Variants in ANXA7 observed in about 807,000 individuals in gnomAD.
ANXA7 encodes annexin A7.
Under a neutral mutation model 64.9 loss-of-function variants are expected in ANXA7, and 55 were observed. That is an observed-to-expected ratio of 0.85 (90% CI 0.68 to 1.06). The LOEUF (loss-of-function observed/expected upper bound fraction) is 1.06, where lower values mean the gene tolerates loss of function less well. ANXA7 is among the 50% of genes least tolerant of loss of function. The pLI, the probability that ANXA7 is intolerant of heterozygous loss-of-function variation, is 0.00. For synonymous variants in ANXA7, 200 were observed against 192.4 expected (o/e 1.04, Z -0.33); for missense variants, 548 against 582.1 (o/e 0.94, Z 0.60).
At chr10:73,390,472 T>C (rs2132669477) in intron 5 of ANXA7, among the ~76,000 whole-genome samples, 1 of 152,184 alleles carries the variant, frequency 6.6e-6, no homozygotes, top group African/African-American at 2.4e-5. Context: ...ATAGTGGTTT[T>C]AATAGAAAGC....
At chr10:73,387,551 C>T in intron 7 of ANXA7, 138 bp downstream of exon 7, 1 of 641,406 alleles carries the variant, frequency 1.6e-6, no homozygotes, top group Non-Finnish European at 2.7e-6. Flanking sequence ...ATAGGGAATA[C>T]AGTACCCTTG....
chr10:73,413,314 T>A (rs2055873271), intron 1 of ANXA7, among the ~76,000 whole-genome samples: 1 of 152,170 alleles, frequency 6.6e-6, no homozygotes, highest in Non-Finnish European at 1.5e-5. Context: ...TAGCTGGCCA[T>A]CAGCTGGCAA....
At chr10:73,392,312 T>C (rs1168267783) in intron 5 of ANXA7, among the ~76,000 whole-genome samples, 1 of 152,102 alleles carries the variant, frequency 6.6e-6, no homozygotes, top group Non-Finnish European at 1.5e-5. Flanking sequence ...ACTATTCCAA[T>C]CAATAGAAAG....
chr10:73,377,773 G>GTGTGT lies in ANXA7; in HGVS notation c.1278+1137_1278+1138insACACA, dbSNP rs2055200570. Among the ~76,000 whole-genome samples, 3 of 124,822 alleles carry GTGTGT rather than the reference G, an allele frequency of 2.4e-5. 1 individual carries two copies. Among genetic ancestry groups the GTGTGT allele is most frequent in the African/African-American group, 9.7e-5 (3 of 31,052 alleles). The allele number at this position is 124,822 out of a possible 152,430, so 81.9% of individuals were successfully genotyped here. A position where few individuals can be genotyped will look rare whatever the true frequency, so the allele number is the denominator to read the frequency against. On this transcript the variant is annotated intron_variant, in intron 12 of 12. Coordinates refer to ENST00000372921, the MANE Select transcript of ANXA7 (RefSeq NM_001156.5). The stretch of plus-strand genomic sequence containing the variant: ...ACTACCATGCCGGGGGGTGGGTGTG[G>GTGTGT]GTGTGTGTGTGTGTGTGTGTGTGTG...
chr10:73,397,059 A>G (rs1223592332), intron 4 of ANXA7, 105 bp downstream of exon 4: 1 of 485,786 alleles, frequency 2.1e-6, no homozygotes, highest in African/African-American at 2.0e-5. Flanking sequence ...TGGAAATATA[A>G]ACATTTATTG....
chr10:73,391,038 C>G (rs1055989631), intron 5 of ANXA7, among the ~76,000 whole-genome samples: 1 of 151,560 alleles, frequency 6.6e-6, no homozygotes, highest in Non-Finnish European at 1.5e-5. Context: ...CGTGGTGGTG[C>G]GCACCTGTAG....
rs755982913 is a variant in ANXA7, at chr10:73,388,383, G to A, written c.467C>T (p.Thr156Ile). The change falls in exon 6 of 13, where the codon ACT (threonine) becomes ATT (isoleucine). Residue 156 changes from threonine to isoleucine, a missense_variant. Thr to Ile is a moderately conservative substitution (Grantham distance 89, BLOSUM62 -1). Coordinates refer to ENST00000372921, the MANE Select transcript of ANXA7 (RefSeq NM_001156.5). ...ATCGAAGTTGGCAGCTGGTCGGATA[G>A]TTCCTTGAGTGACCTGAGTCACTGT... The part of the protein sequence containing the change: ...PATVTQVTQG[T>I]IRPAANFDAI... 2 of 1,613,938 alleles carry A rather than the reference G, an allele frequency of 1.2e-6. No homozygotes were observed. The highest frequency in any genetic ancestry group is 1.7e-6 in the Non-Finnish European group (2 of 1,179,864).
chr10:73,377,938 C>G (rs903604964), intron 12 of ANXA7, among the ~76,000 whole-genome samples: 1 of 145,390 alleles, frequency 6.9e-6, no homozygotes, highest in East Asian at 2.0e-4. Flanking sequence ...TGTGCGCGCG[C>G]GTGTGTTTTT....
intron 5 of ANXA7, among the ~76,000 whole-genome samples, chr10:73,392,242 C>T (rs550489007): frequency 3.3e-5 from 5 of 152,232 alleles, no homozygotes; most frequent in East Asian, 1.9e-4. Flanking sequence ...CAGGACCAGA[C>T]AGATTCACAG....
chr10:73,389,047 G>A (rs934442035), intron 5 of ANXA7, among the ~76,000 whole-genome samples: 6 of 152,162 alleles, frequency 3.9e-5, no homozygotes, highest in Non-Finnish European at 8.8e-5. Context: ...CATTATAGCA[G>A]AGAAACCTTG....
At chr10:73,403,146 TTTTTC>T (rs1171170997) in intron 1 of ANXA7, among the ~76,000 whole-genome samples, 1 of 152,166 alleles carries the variant, frequency 6.6e-6, no homozygotes, top group Non-Finnish European at 1.5e-5. Context: ...TTTACTGGCT[TTTTTC>T]TTTTATTATG....
At chr10:73,385,579 G>A (rs576074280) in intron 7 of ANXA7, among the ~76,000 whole-genome samples, 2 of 152,214 alleles carry the variant, frequency 1.3e-5, no homozygotes, top group African/African-American at 2.4e-5. Flanking sequence ...GAAAAACAGT[G>A]TTTTACTAAT....
chr10:73,405,960 CT>C (rs199538795), intron 1 of ANXA7, among the ~76,000 whole-genome samples: 10,538 of 144,160 alleles, frequency 0.073, 583 homozygotes, highest in East Asian at 0.3. Context: ...TTTTTCTCTT[CT>C]TTTTTTTTTT....
chr10:73,391,170 T>TAA (rs547724690), intron 5 of ANXA7, among the ~76,000 whole-genome samples: 12,451 of 132,724 alleles, frequency 0.094, 788 homozygotes, highest in East Asian at 0.28. Flanking sequence ...CTCTGTCTCT[T>TAA]AAAAAAAAAA....
chr10:73,402,884 G>A (rs988707427), intron 1 of ANXA7, among the ~76,000 whole-genome samples: 1 of 151,852 alleles, frequency 6.6e-6, no homozygotes, highest in African/African-American at 2.4e-5. Context: ...GAGTACAGTG[G>A]CATAATCTCA....
chr10:73,383,342 C>T lies in ANXA7; in HGVS notation c.751G>A (p.Ala251Thr). 6.2e-7 allele frequency: 1 copy of T among 1,609,080 alleles called. No individual in the cohort carries two copies. ...AWSLRKAMQG[A>T]GTQERVLIEI... ...ATCAATACACGTTCCTGAGTTCCTG[C>T]TCCCTACATGAAATGAAGGGAAGAT... The change falls in exon 9 of 13, where the codon GCA (alanine) becomes ACA (threonine). Residue 251 changes from alanine (A) to threonine (T), a missense_variant. Physicochemically the swap from Ala to Thr is moderately conservative, Grantham distance 58 (BLOSUM62 0). Transcript: ENST00000372921.
chr10:73,411,036 G>A (rs2055830750), intron 1 of ANXA7, among the ~76,000 whole-genome samples: 1 of 152,116 alleles, frequency 6.6e-6, no homozygotes, highest in African/African-American at 2.4e-5. Flanking sequence ...CAAAGATGTG[G>A]AACCAATCTA....
At chr10:73,384,701 G>A (rs1351489471) in intron 7 of ANXA7, among the ~76,000 whole-genome samples, 1 of 151,802 alleles carries the variant, frequency 6.6e-6, no homozygotes, top group East Asian at 1.9e-4. Context: ...GTGCCCAGCC[G>A]ATATTGTTCT....
At chr10:73,378,377 C>CAAAAAAAA (rs755093944) in intron 12 of ANXA7, among the ~76,000 whole-genome samples, 1 of 63,140 alleles carries the variant, frequency 1.6e-5, no homozygotes, top group Admixed American at 1.7e-4. Flanking sequence ...GACCATGTCT[C>CAAAAAAAA]AAAAAAAAAA....
Sources: gnomAD v4.1 joint callset for allele counts (sites outside exome capture counted in the v4.1 genomes callset) on GRCh38, gnomAD v4.1.1 for gene constraint, MANE v1.5 for transcripts, NCBI Gene and HGNC (gene_info 2026-07-23, HGNC 2026-07-21) for gene names.